Variants in PAK2 observed in about 807,000 individuals in gnomAD.
The protein encoded by PAK2 is p21 (RAC1) activated kinase 2.
A neutral mutation model predicts 65.9 loss-of-function variants in PAK2; 21 were observed. That is an observed-to-expected ratio of 0.32 (90% CI 0.23 to 0.46). PAK2 has a LOEUF of 0.46. Ranked by LOEUF, PAK2 falls within the 20% of genes least tolerant of loss-of-function variation. The pLI is 1.00. For missense variants in PAK2, 324 were observed against 642.6 expected (o/e 0.50, Z 5.36); for synonymous variants, 204 against 219.7 (o/e 0.93, Z 0.63).
intron 1 of PAK2, among the ~76,000 whole-genome samples, chr3:196,772,054 T>C (rs554820050): frequency 1.3e-5 from 2 of 152,370 alleles, no homozygotes; most frequent in East Asian, 3.9e-4. Context: ...AAGCTGCTTC[T>C]ATGTGTCCTT....
chr3:196,824,608 C>A (rs1042601073), intron 13 of PAK2, among the ~76,000 whole-genome samples: 1 of 151,994 alleles, frequency 6.6e-6, no homozygotes, highest in Admixed American at 6.6e-5. Flanking sequence ...GTAGGTGAAG[C>A]ACAGGGAATT....
In PAK2 at chr3:196,811,227, T is replaced by A. The variant is rs1369741526; in HGVS notation, c.773+574T>A. On this transcript the variant is annotated intron_variant, in intron 8 of 14. Coordinates refer to ENST00000327134, the MANE Select transcript of PAK2 (RefSeq NM_002577.4). ...CCTTCCTTCCCTTCCCTCCCTCCCT[T>A]CCCTTCCCTTCCTTCCCTCCCTCCC... Among the ~76,000 whole-genome samples, 10 of 16,700 alleles carry A rather than the reference T, an allele frequency of 6.0e-4. 2 individuals carry two copies. The highest frequency in any genetic ancestry group is 2.1e-3 in the African/African-American group (8 of 3,818). The allele number at this position is 16,700 out of a possible 152,430, so 11.0% of individuals were successfully genotyped here.
intron 11 of PAK2, among the ~76,000 whole-genome samples, chr3:196,817,436 C>A (rs1170850126): frequency 6.6e-6 from 1 of 151,942 alleles, no homozygotes; most frequent in Non-Finnish European, 1.5e-5. Context: ...GTGCAAGTTC[C>A]GCCTCCCAGG....
intron 2 of PAK2, among the ~76,000 whole-genome samples, chr3:196,794,250 G>T (rs1293302173): frequency 1.3e-5 from 2 of 152,198 alleles, no homozygotes; most frequent in Non-Finnish European, 2.9e-5. Context: ...GGAGGACATA[G>T]TGACTTCTAG....
intron 1 of PAK2, among the ~76,000 whole-genome samples, chr3:196,746,193 G>A (rs843535): frequency 0.47 from 70,872 of 151,828 alleles, 16,998 homozygotes; most frequent in Non-Finnish European, 0.53. Context: ...GAGACGTGTC[G>A]TTGTCTTGAA....
intron 1 of PAK2, among the ~76,000 whole-genome samples, chr3:196,774,015 G>A (rs1346325985): frequency 6.6e-6 from 1 of 152,112 alleles, no homozygotes; most frequent in Non-Finnish European, 1.5e-5. Flanking sequence ...CCTGGGGACA[G>A]AACGAGACTC....
chr3:196,818,249 A>G, intron 12 of PAK2, 93 bp downstream of exon 12: 1 of 604,108 alleles, frequency 1.7e-6, no homozygotes, highest in Non-Finnish European at 3.0e-6. Flanking sequence ...AAGGATTAAT[A>G]ATGATTTAAT....
intron 1 of PAK2, among the ~76,000 whole-genome samples, chr3:196,745,138 C>CA (rs1713331285): frequency 7.0e-6 from 1 of 142,442 alleles, no homozygotes; most frequent in Non-Finnish European, 1.5e-5. Context: ...TTTTTTGTGA[C>CA]AGAGTCTCAC....
rs1352619990 is a variant in PAK2, at chr3:196,825,084, G to GC, written c.1351-2110dup. ...TTTAGGACCAGACGCAGCGGCTCAT[G>GC]CCTGTAATACCAGCACTTTGGGAGG... On this transcript the variant is annotated intron_variant, in intron 13 of 14. Coordinates refer to ENST00000327134, the MANE Select transcript of PAK2 (RefSeq NM_002577.4). Among the ~76,000 whole-genome samples the GC allele has an allele frequency of 4.6e-5, 7 of 152,268 alleles. No individual in the cohort carries two copies. The East Asian group carries it at 1.2e-3, about 25-fold the overall frequency.
At chr3:196,795,157 T>C (rs919418669) in intron 2 of PAK2, among the ~76,000 whole-genome samples, 4 of 151,988 alleles carry the variant, frequency 2.6e-5, no homozygotes, top group Non-Finnish European at 4.4e-5. Flanking sequence ...AATCAAATTG[T>C]TTAAAACCAG....
At chr3:196,823,845 C>T (rs1711736649) in intron 13 of PAK2, among the ~76,000 whole-genome samples, 1 of 151,670 alleles carries the variant, frequency 6.6e-6, no homozygotes, top group Non-Finnish European at 1.5e-5. Flanking sequence ...CACCTTGGCC[C>T]ACAGGCATAT....
At chr3:196,763,867 C>T (rs376495208) in intron 1 of PAK2, among the ~76,000 whole-genome samples, 19 of 152,198 alleles carry the variant, frequency 1.2e-4, no homozygotes, top group Admixed American at 6.5e-5. Context: ...GGCACGATCA[C>T]GGCTCACTGC....
intron 10 of PAK2, among the ~76,000 whole-genome samples, chr3:196,813,722 C>G (rs1456911880): frequency 2.0e-5 from 3 of 152,028 alleles, no homozygotes; most frequent in Admixed American, 6.6e-5. Context: ...GAGGCCGAGG[C>G]AGGTGGATCA....
At chr3:196,746,437 G>C (rs1713382529) in intron 1 of PAK2, among the ~76,000 whole-genome samples, 1 of 152,120 alleles carries the variant, frequency 6.6e-6, no homozygotes, top group Admixed American at 6.6e-5. Context: ...TATATATCGT[G>C]AATAACCAAA....
chr3:196,781,221 A>G (rs9857770), intron 1 of PAK2, among the ~76,000 whole-genome samples: 1,653 of 152,348 alleles, frequency 0.011, 33 homozygotes, highest in African/African-American at 0.038. Flanking sequence ...TAAATGCATT[A>G]AATAATCTTA....
chr3:196,776,504 G>T (rs1714539950), intron 1 of PAK2, among the ~76,000 whole-genome samples: 1 of 152,160 alleles, frequency 6.6e-6, no homozygotes, highest in African/African-American at 2.4e-5. Context: ...AATAGTGACA[G>T]AATTTGTTGC....
intron 1 of PAK2, among the ~76,000 whole-genome samples, chr3:196,765,822 C>T (rs1282698871): frequency 7.2e-5 from 11 of 152,036 alleles, no homozygotes. Flanking sequence ...ATTTGAAAAA[C>T]ACATTTTGAG....
At chr3:196,756,384 C>G (rs1164761998) in intron 1 of PAK2, among the ~76,000 whole-genome samples, 1 of 152,132 alleles carries the variant, frequency 6.6e-6, no homozygotes, top group Non-Finnish European at 1.5e-5. Flanking sequence ...CTCATCTAAA[C>G]AGGAGCTCCG....
chr3:196,765,251 G>A (rs1174419104), intron 1 of PAK2, among the ~76,000 whole-genome samples: 1 of 144,608 alleles, frequency 6.9e-6, no homozygotes, highest in South Asian at 2.2e-4. Context: ...GAGTTCAAGC[G>A]ATTCTCTTGC....
Sources: gnomAD v4.1 joint callset for allele counts (sites outside exome capture counted in the v4.1 genomes callset) on GRCh38, gnomAD v4.1.1 for gene constraint, MANE v1.5 for transcripts, NCBI Gene and HGNC (gene_info 2026-07-23, HGNC 2026-07-21) for gene names.